The following MRPL13 variants were observed in gnomAD, a reference collection of about 807,000 sequenced individuals.
MRPL13 encodes the protein large ribosomal subunit protein uL13m.
MRPL13 carries 33 observed loss-of-function variants against 29.0 expected under a neutral mutation model. The ratio of observed to expected loss-of-function variants is 1.14; its 90% CI spans 0.86 to 1.52. MRPL13 has a LOEUF of 1.52. MRPL13 is among the 40% of genes most tolerant of loss of function. The pLI, the probability that MRPL13 is intolerant of heterozygous loss-of-function variation, is 0.00. For synonymous variants in MRPL13, 77 were observed against 68.4 expected, an observed-to-expected ratio of 1.13 and a Z score of -0.62; for missense variants, 227 against 216.7, an observed-to-expected ratio of 1.05 and a Z score of -0.30.
At position 120,395,896 on chromosome 8, in the gene MRPL13, A is replaced by G. The variant is rs145494211; in HGVS notation, c.*208T>C. Reference sequence around the variant, plus strand: ...TTATCAACTATAACATTCAAATCAGATTACATAAAAATGGTTCTATAAAAT... The same window carrying G: ...TTATCAACTATAACATTCAAATCAGGTTACATAAAAATGGTTCTATAAAAT... On this transcript the variant is annotated 3_prime_UTR_variant, in exon 7 of 7. Transcript: ENST00000306185. 2.4e-4 allele frequency: 111 copies of G among 459,184 alleles called. 1 individual carries two copies. Among genetic ancestry groups the G allele is most frequent in the African/African-American group, 1.9e-3 (94 of 48,980 alleles). 28.4% of individuals were successfully genotyped at this position (459,184 alleles called of 1,614,324 possible). A position where few individuals can be genotyped will look rare whatever the true frequency, so the allele number is the denominator to read the frequency against.
At chr8:120,432,149 T>C in intron 2 of MRPL13, 26 bp from the exon 3 acceptor site, 1 of 1,527,498 alleles carries the variant, frequency 6.5e-7, no homozygotes. Flanking sequence ...AAACAAGATT[T>C]TGTAAGAAAA....
intron 6 of MRPL13, among the ~76,000 whole-genome samples, chr8:120,408,528 G>GA (rs1812704177): frequency 6.6e-6 from 1 of 152,260 alleles, no homozygotes; most frequent in South Asian, 2.1e-4. Flanking sequence ...AAATAGGTAG[G>GA]AAAGTTGGAA....
chr8:120,438,347 CAT>C (rs1813078606), intron 2 of MRPL13, among the ~76,000 whole-genome samples: 1 of 152,158 alleles, frequency 6.6e-6, no homozygotes, highest in Non-Finnish European at 1.5e-5. Flanking sequence ...TCTCAAAACA[CAT>C]AGTGAAACAA....
chr8:120,413,573 A>AT (rs1201667014), intron 6 of MRPL13, among the ~76,000 whole-genome samples: 1 of 152,266 alleles, frequency 6.6e-6, no homozygotes, highest in South Asian at 2.1e-4. Flanking sequence ...AGCAAAAAGT[A>AT]TTTTTTTATT....
chr8:120,427,627 G>T (rs1812945577), intron 3 of MRPL13, among the ~76,000 whole-genome samples: 2 of 152,048 alleles, frequency 1.3e-5, no homozygotes, highest in Non-Finnish European at 2.9e-5. Flanking sequence ...TTAGGGAGGT[G>T]AAAGATCTCT....
chr8:120,410,596 GCGTAATTTTATTCACTAACA>G (rs1812728447), intron 6 of MRPL13, among the ~76,000 whole-genome samples: 1 of 152,130 alleles, frequency 6.6e-6, no homozygotes, highest in South Asian at 2.1e-4. Context: ...TATGAAGGTA[GCGTAATTTTATTCACTAACA>G]CGTAATTTTA....
In MRPL13 at chr8:120,432,098, T is replaced by C. The variant is rs1416244394; in HGVS notation, c.177A>G (p.Ile59Met). Residue 59 changes from isoleucine to methionine, a missense_variant, in exon 3 of 7, where the codon ATA becomes ATG. Physicochemically the swap from Ile to Met is conservative, Grantham distance 10 (BLOSUM62 1). Transcript: ENST00000306185. Reference sequence around the variant, plus strand: ...AAAATGCAATGTGTCTTGTGTTCATTATAACAACATGATCCCCACAGTCAC... The same window carrying C: ...AAAATGCAATGTGTCTTGTGTTCATCATAACAACATGATCCCCACAGTCAC... ...ALSDCGDHVV[I>M]MNTRHIAFSG... 1 of 1,603,938 alleles carries C rather than the reference T, an allele frequency of 6.2e-7. No homozygotes were observed. Among genetic ancestry groups the C allele is most frequent in the East Asian group, 2.3e-5 (1 of 44,392 alleles).
chr8:120,434,809 A>G (rs1813034596), intron 2 of MRPL13, among the ~76,000 whole-genome samples: 1 of 152,124 alleles, frequency 6.6e-6, no homozygotes, highest in Non-Finnish European at 1.5e-5. Context: ...GGGCCAGGTA[A>G]GCCATGCTAT....
Position 120,443,317 on chromosome 8 carries a change from GGAAA to G in MRPL13, c.28-13_28-10del. On this transcript the variant is annotated splice_polypyrimidine_tract_variant and intron_variant, in intron 1 of 6. Coordinates refer to ENST00000306185, the MANE Select transcript of MRPL13 (RefSeq NM_014078.6). The stretch of plus-strand genomic sequence containing the variant: ...GCAAAAGTGGCCCATTGCTTGGGGG[GGAAA>G]AAAAAAAAAAAGAAGAGGAAAAAAT... The G allele has an allele frequency of 5.6e-6, 8 of 1,416,004 alleles. No individual in the cohort carries two copies. Among genetic ancestry groups the G allele is most frequent in the Non-Finnish European group, 6.5e-6 (7 of 1,075,052 alleles). 87.7% of individuals were successfully genotyped at this position (1,416,004 alleles called of 1,614,324 possible). A position where few individuals can be genotyped will look rare whatever the true frequency, so the allele number is the denominator to read the frequency against.
At chr8:120,396,176 C>T in intron 6 of MRPL13, 51 bp from the exon 7 acceptor site, 1 of 1,353,280 alleles carries the variant, frequency 7.4e-7, no homozygotes. Context: ...TTTGTTTTCT[C>T]CTGACTGATG....
intron 2 of MRPL13, among the ~76,000 whole-genome samples, chr8:120,440,539 A>G (rs559702594): frequency 3.3e-5 from 5 of 149,552 alleles, no homozygotes; most frequent in African/African-American, 1.2e-4. Flanking sequence ...CAGGAGGCGG[A>G]GGTTGCAGTG....
rs78994951 is a variant in MRPL13 at position 120,440,233 on chromosome 8, C to A, written c.151+2952G>T. 6.7e-3 allele frequency among the ~76,000 whole-genome samples: 1,026 copies of A among 152,226 alleles called. 8 individuals carry two copies. Among genetic ancestry groups the A allele is most frequent in the African/African-American group, 0.023 (971 of 41,530 alleles). ...CGAGGCCTCTCTCAGAATATAAATG[C>A]CTGAGCAGAAATCTGAAAGACATGA... is the stretch of plus-strand genomic sequence containing the variant. On this transcript the variant is annotated intron_variant, in intron 2 of 6. Transcript: ENST00000306185.
At chr8:120,444,932 T>A in intron 1 of MRPL13, 136 bp downstream of exon 1, 1 of 1,107,038 alleles carries the variant, frequency 9.0e-7, no homozygotes, top group South Asian at 1.3e-5. Flanking sequence ...GACCCTCTTG[T>A]GCTTTCCCAA....
intron 1 of MRPL13, 27 bp from the exon 2 acceptor site, chr8:120,443,335 AGAGG>A: frequency 1.3e-6 from 2 of 1,519,282 alleles, no homozygotes; most frequent in Non-Finnish European, 8.8e-7. Flanking sequence ...AAAAAAAAGA[AGAGG>A]AAAAAATAAA....
At position 120,396,016 on chromosome 8, in the gene MRPL13, G is replaced by A. The variant is rs1586914867; in HGVS notation, c.*88C>T. 1 of 1,141,400 alleles carries A rather than the reference G, an allele frequency of 8.8e-7. No homozygotes were observed. 70.7% of individuals were successfully genotyped at this position (1,141,400 alleles called of 1,614,324 possible). A position where few individuals can be genotyped will look rare whatever the true frequency, so the allele number is the denominator to read the frequency against. ...ATAAAACAGGTGCTGAACTGTAGCAGTTGTTTTACTCCATCCTGTAGGTTA... is the reference window on the plus strand; with the variant it reads ...ATAAAACAGGTGCTGAACTGTAGCAATTGTTTTACTCCATCCTGTAGGTTA... On this transcript the variant is annotated 3_prime_UTR_variant, in exon 7 of 7. Transcript: ENST00000306185.
At chr8:120,435,813 A>G (rs1253776093) in intron 2 of MRPL13, among the ~76,000 whole-genome samples, 1 of 152,100 alleles carries the variant, frequency 6.6e-6, no homozygotes, top group Admixed American at 6.6e-5. Flanking sequence ...TTTTAATGAT[A>G]GCCATTCTGA....
chr8:120,427,230 T>C (rs1347208300), intron 3 of MRPL13, among the ~76,000 whole-genome samples: 6 of 152,138 alleles, frequency 3.9e-5, no homozygotes, highest in Non-Finnish European at 8.8e-5. Flanking sequence ...TAAATGTAAA[T>C]ATTCAGCTGC....
rs749215344 is a variant in MRPL13, at chr8:120,413,984, CACTT to C, written c.515+3_515+6del. On this transcript the variant is annotated splice_donor_5th_base_variant and intron_variant, in intron 6 of 6. Coordinates refer to ENST00000306185, the MANE Select transcript of MRPL13 (RefSeq NM_014078.6). The stretch of plus-strand genomic sequence containing the variant: ...GAAAAAAAAACAAGAAGAAGGGAAA[CACTT>C]ACGGAGTCCACAATCTTGGGAAGGC... 7.8e-6 allele frequency: 12 copies of C among 1,534,960 alleles called. No individual in the cohort carries two copies. The highest frequency in any genetic ancestry group is 7.1e-5 in the East Asian group (3 of 42,016).
intron 1 of MRPL13, among the ~76,000 whole-genome samples, chr8:120,443,598 A>G (rs938868003): frequency 2.7e-5 from 4 of 148,968 alleles, no homozygotes; most frequent in Non-Finnish European, 4.4e-5. Flanking sequence ...CCAAAGATAT[A>G]TTTCCCTTTA....
Sources: allele counts gnomAD v4.1 joint callset (sites outside exome capture counted in the v4.1 genomes callset), GRCh38; gene constraint gnomAD v4.1.1; transcripts MANE v1.5; gene names NCBI Gene and HGNC (gene_info 2026-07-23, HGNC 2026-07-21).